RASGRP4: variants seen among roughly 807,000 people sequenced by gnomAD.
The protein encoded by RASGRP4 is RAS guanyl-releasing protein 4.
A neutral mutation model predicts 84.4 loss-of-function variants in RASGRP4; 52 were observed. The observed-to-expected ratio is 0.62, with a 90% CI of 0.49 to 0.78. The LOEUF (loss-of-function observed/expected upper bound fraction) is 0.78. Among genes scored for constraint, RASGRP4 ranks in the 30% least tolerant of loss-of-function variants. The probability of loss-of-function intolerance (pLI) is 0.00; values close to 1 mark genes in which losing one functional copy is unlikely to be tolerated. For synonymous variants in RASGRP4, 356 were observed against 359.1 expected (o/e 0.99, Z 0.10); for missense variants, 760 against 886.9 (o/e 0.86, Z 1.82).
In RASGRP4 at chr19:38,413,465, C is replaced by T; in HGVS notation, c.1240G>A (p.Asp414Asn). ...DLLHLLTLSL[D>N]LFYTEDEIYE... ...ATCTCGTCTTCCGTGTAGAAGAGGT[C>T]CAGGGAGAGCTGGAGCAGACAGGGG... is the stretch of plus-strand genomic sequence containing the variant. The change falls in exon 10 of 17, where the codon GAC becomes AAC. Residue 414 changes from aspartate to asparagine, a missense_variant. Asp to Asn is a conservative substitution (Grantham distance 23). Coordinates refer to ENST00000615439, the MANE Select transcript of RASGRP4 (RefSeq NM_170604.3). The surrounding 1 kb of genome is among the most constrained non-coding windows in gnomAD (Gnocchi z 4.7). The T allele has an allele frequency of 6.3e-7, 1 of 1,596,066 alleles. No homozygotes were observed.
At chr19:38,416,356 G>A (rs1330579783) in intron 8 of RASGRP4, among the ~76,000 whole-genome samples, 1 of 150,970 alleles carries the variant, frequency 6.6e-6, no homozygotes, top group East Asian at 2.0e-4. Context: ...CCAGCTATTC[G>A]GGAGGCTGGG....
At position 38,420,895 on chromosome 19, in the gene RASGRP4, GGCCCA is replaced by G; in HGVS notation, c.377+8_377+12del. The G allele has an allele frequency of 6.2e-7, 1 of 1,612,950 alleles. No individual in the cohort carries two copies. Among genetic ancestry groups the G allele is most frequent in the Non-Finnish European group, 8.5e-7 (1 of 1,179,112 alleles). On this transcript the variant is annotated splice_region_variant and intron_variant, in intron 4 of 16. Coordinates refer to ENST00000615439, the MANE Select transcript of RASGRP4 (RefSeq NM_170604.3). ...CGTGGGTCCTGAGAGTGGGGATCTC[GGCCCA>G]GCCCTACCTGACCAGGTGACAGATC...
At chr19:38,414,135 G>T (rs1971393082) in intron 9 of RASGRP4, among the ~76,000 whole-genome samples, 1 of 151,720 alleles carries the variant, frequency 6.6e-6, no homozygotes, top group African/African-American at 2.4e-5. Flanking sequence ...TCACCATGTT[G>T]CCTAGGCTGG....
chr19:38,417,038 GT>G lies in RASGRP4; in HGVS notation c.954+13del. On this transcript the variant is annotated intron_variant, in intron 8 of 16. Coordinates refer to ENST00000615439, the MANE Select transcript of RASGRP4 (RefSeq NM_170604.3). This position sits in a 1 kb window ranked among gnomAD's most constrained non-coding sequence, Gnocchi z 5.1. ...CTGACCACTTGGAGCTTTGGGGAGG[GT>G]AGTGGGATTCACCTTGGTGCTGTCA... 6.9e-7 allele frequency: 1 copy of G among 1,440,566 alleles called. No individual in the cohort carries two copies. The highest frequency in any genetic ancestry group is 9.6e-7 in the Non-Finnish European group (1 of 1,044,956). 89.2% of individuals were successfully genotyped at this position (1,440,566 alleles called of 1,614,324 possible). A position where few individuals can be genotyped will look rare whatever the true frequency, so the allele number is the denominator to read the frequency against.
In RASGRP4 at chr19:38,412,519, A is replaced by G. The variant is rs1971304648; in HGVS notation, c.1680+153T>C. 2.8e-6 allele frequency: 2 copies of G among 713,106 alleles called. No homozygotes were observed. Among genetic ancestry groups the G allele is most frequent in the African/African-American group, 3.6e-5 (2 of 55,878 alleles). 44.2% of individuals were successfully genotyped at this position (713,106 alleles called of 1,614,324 possible). ...ATTATCTGGCATTTGGAGATTATCCAGGATATAGGGAATGTCTGGTGTTTA... is the reference window on the plus strand; with the variant it reads ...ATTATCTGGCATTTGGAGATTATCCGGGATATAGGGAATGTCTGGTGTTTA... On this transcript the variant is annotated intron_variant, in intron 13 of 16. Coordinates refer to ENST00000615439, the MANE Select transcript of RASGRP4 (RefSeq NM_170604.3). The surrounding 1 kb of genome is among the most constrained non-coding windows in gnomAD (Gnocchi z 4.6).
At chr19:38,410,821 T>C (rs1256578342) in intron 16 of RASGRP4, 65 bp downstream of exon 16, 2 of 1,187,802 alleles carry the variant, frequency 1.7e-6, no homozygotes, top group Middle Eastern at 1.9e-4. Context: ...ATCTGTCCAG[T>C]CTTCCCCACG....
rs909126138 is a variant in RASGRP4 at position 38,410,111 on chromosome 19, G to A, written c.1966-15C>T. 3 of 1,608,176 alleles carry A rather than the reference G, an allele frequency of 1.9e-6. No individual in the cohort carries two copies. The highest frequency in any genetic ancestry group is 2.7e-5 in the African/African-American group (2 of 74,740). On this transcript the variant is annotated splice_polypyrimidine_tract_variant and intron_variant, in intron 16 of 16. Transcript: ENST00000615439. ...GGGCAGGGGACCTGGAAGGAGGAAGGGAGGAAGAAAGATGACAGATGATGT... is the reference window on the plus strand; with the variant it reads ...GGGCAGGGGACCTGGAAGGAGGAAGAGAGGAAGAAAGATGACAGATGATGT...
At chr19:38,422,652 G>C (rs991996513) in intron 1 of RASGRP4, among the ~76,000 whole-genome samples, 1 of 152,078 alleles carries the variant, frequency 6.6e-6, no homozygotes, top group African/African-American at 2.4e-5. Context: ...GATGCCTGAT[G>C]CCTAATGCCT....
rs1216509719 is a variant in RASGRP4 at position 38,420,360 on chromosome 19, G to A, written c.378-98C>T. The A allele has an allele frequency of 6.5e-6, 9 of 1,390,920 alleles. No homozygotes were observed. The African/African-American group carries it at 8.7e-5, about 13-fold the overall frequency. The allele number at this position is 1,390,920 out of a possible 1,614,324, so 86.2% of individuals were successfully genotyped here. On this transcript the variant is annotated intron_variant, in intron 4 of 16. Transcript: ENST00000615439. Reference sequence around the variant, plus strand: ...AGGAATTTCTAGGTGCTGAGCTAGGGGGTCTCTAAATGTGTGTGGGGGTCC... The same window carrying A: ...AGGAATTTCTAGGTGCTGAGCTAGGAGGTCTCTAAATGTGTGTGGGGGTCC...
chr19:38,418,439 C>A lies in RASGRP4; in HGVS notation c.789G>T (p.Gly263=). Residue 263 remains glycine, a synonymous_variant, in exon 7 of 17, where the codon GGG becomes GGT. Transcript: ENST00000615439. This position sits in a 1 kb window ranked among gnomAD's most constrained non-coding sequence, Gnocchi z 4.6. Reference sequence around the variant, plus strand: ...CCAGCACCTGTGCACGCTGTAGGGGCCCGGGACGGCTCAGCACCATCACCT... The same window carrying A: ...CCAGCACCTGTGCACGCTGTAGGGGACCGGGACGGCTCAGCACCATCACCT... ...WVQVMVLSRP[G]PLQRAQVLDK... 1.2e-6 allele frequency: 2 copies of A among 1,603,754 alleles called. No individual in the cohort carries two copies. Among genetic ancestry groups the A allele is most frequent in the African/African-American group, 1.3e-5 (1 of 74,844 alleles).
At chr19:38,414,379 CGCAA>C (rs1281744716) in intron 9 of RASGRP4, among the ~76,000 whole-genome samples, 1 of 77,476 alleles carries the variant, frequency 1.3e-5, no homozygotes, top group East Asian at 3.4e-4. Context: ...GGTGCAATGG[CGCAA>C]TGGCGCAATC....
chr19:38,420,840 T>C, intron 4 of RASGRP4, 68 bp downstream of exon 4: 2 of 1,502,074 alleles, frequency 1.3e-6, no homozygotes, highest in East Asian at 2.3e-5. Context: ...CTCTGAGGAA[T>C]GTTTTTTGAG....
At chr19:38,419,037 C>T (rs184959934) in intron 6 of RASGRP4, among the ~76,000 whole-genome samples, 68 of 152,214 alleles carry the variant, frequency 4.5e-4, no homozygotes, top group Non-Finnish European at 8.5e-4. Context: ...TCATTTCATA[C>T]CCACATCCAC....
rs1425313371 is a variant in RASGRP4, at chr19:38,412,686, T to C, written c.1666A>G (p.Ser556Gly). 2.0e-5 allele frequency: 33 copies of C among 1,613,302 alleles called. No homozygotes were observed. The highest frequency in any genetic ancestry group is 2.8e-5 in the Non-Finnish European group (33 of 1,179,672). Reference sequence around the variant, plus strand: ...GGGGTGCTCACGAAGCCACTGCAGCTGTCGCAGAAGGTAGGCTTTCGGAAG... The same window carrying C: ...GGGGTGCTCACGAAGCCACTGCAGCCGTCGCAGAAGGTAGGCTTTCGGAAG... ...VTFRKPTFCDSCSGFLWGVTK... is the reference protein window; with the variant it reads ...VTFRKPTFCDGCSGFLWGVTK... Residue 556 changes from serine (S) to glycine (G), a missense_variant, in exon 13 of 17, where the codon AGC becomes GGC. Coordinates refer to ENST00000615439, the MANE Select transcript of RASGRP4 (RefSeq NM_170604.3). The surrounding 1 kb of genome is among the most constrained non-coding windows in gnomAD (Gnocchi z 4.6).
chr19:38,422,547 T>C (rs1390613324), intron 1 of RASGRP4, among the ~76,000 whole-genome samples: 1 of 152,106 alleles, frequency 6.6e-6, no homozygotes, highest in Non-Finnish European at 1.5e-5. Context: ...TTAGACTCTC[T>C]TAGGAGCATG....
chr19:38,423,205 C>T (rs923520856), intron 1 of RASGRP4, among the ~76,000 whole-genome samples: 16 of 152,308 alleles, frequency 1.1e-4, no homozygotes, highest in Admixed American at 2.0e-4. Context: ...ACACCCTCCC[C>T]TCCTTCCTCC....
At position 38,409,965 on chromosome 19, in the gene RASGRP4, C is replaced by T; in HGVS notation, c.*75G>A. On this transcript the variant is annotated 3_prime_UTR_variant, in exon 17 of 17. Coordinates refer to ENST00000615439, the MANE Select transcript of RASGRP4 (RefSeq NM_170604.3). ...CCTCTGGAGGCCTACCTCTGGGAGC[C>T]CTGCCAGAGTCTGACGGCAGGACTC... 1 of 1,245,576 alleles carries T rather than the reference C, an allele frequency of 8.0e-7. No individual in the cohort carries two copies. The highest frequency in any genetic ancestry group is 1.5e-5 in the African/African-American group (1 of 65,296). The allele number at this position is 1,245,576 out of a possible 1,614,324, so 77.2% of individuals were successfully genotyped here.
At chr19:38,410,804 T>C in intron 16 of RASGRP4, 82 bp downstream of exon 16, 2 of 974,516 alleles carry the variant, frequency 2.1e-6, no homozygotes, top group Non-Finnish European at 3.2e-6. Flanking sequence ...TTTCTATGGG[T>C]CTCCAAATCT....
chr19:38,421,086 G>C lies in RASGRP4; in HGVS notation c.314+9C>G. On this transcript the variant is annotated intron_variant, in intron 3 of 16. Transcript: ENST00000615439. ...CCCTCCACCCATAGCTCACAGTCCT[G>C]GAGGATATGAGGTCAGCAGGCGGGC... The C allele has an allele frequency of 6.2e-7, 1 of 1,612,200 alleles. No individual in the cohort carries two copies. The highest frequency in any genetic ancestry group is 1.1e-5 in the South Asian group (1 of 91,058).
Sources: gnomAD v4.1 joint callset for allele counts (sites outside exome capture counted in the v4.1 genomes callset) on GRCh38, gnomAD v4.1.1 for gene constraint, Gnocchi (gnomAD v3.1) non-coding constraint, MANE v1.5 for transcripts, NCBI Gene and HGNC (gene_info 2026-07-23, HGNC 2026-07-21) for gene names.